Variants in OSBPL8 observed in about 807,000 individuals in gnomAD.
The protein encoded by OSBPL8 is oxysterol binding protein like 8, also known as oxysterol-binding protein-related protein 8.
Under a neutral mutation model 125.5 loss-of-function variants are expected in OSBPL8, and 59 were observed. The ratio of observed to expected loss-of-function variants is 0.47; its 90% CI spans 0.38 to 0.58. The LOEUF is 0.58. OSBPL8 is among the 20% of genes least tolerant of loss of function. The probability of loss-of-function intolerance (pLI) is 0.00; values close to 1 mark genes in which losing one functional copy is unlikely to be tolerated. For missense variants in OSBPL8, 758 were observed against 1,047.8 expected, an observed-to-expected ratio of 0.72 and a Z score of 3.82; for synonymous variants, 330 against 338.9, an observed-to-expected ratio of 0.97 and a Z score of 0.29.
intron 1 of OSBPL8, among the ~76,000 whole-genome samples, chr12:76,528,036 T>C (rs1430363561): frequency 2.0e-5 from 3 of 152,160 alleles, no homozygotes; most frequent in East Asian, 3.9e-4. Context: ...ATAAGCATTA[T>C]TGTTGGCCAG....
intron 1 of OSBPL8, among the ~76,000 whole-genome samples, chr12:76,544,846 A>G (rs1480194470): frequency 6.6e-6 from 1 of 152,302 alleles, no homozygotes; most frequent in East Asian, 1.9e-4. Context: ...AGTCTAAAAA[A>G]AAAAAACAGG....
intron 20 of OSBPL8, 140 bp downstream of exon 20, chr12:76,369,494 AATG>A: frequency 7.5e-7 from 1 of 1,339,344 alleles, no homozygotes; most frequent in Non-Finnish European, 9.9e-7. Flanking sequence ...GCTTATAATG[AATG>A]CAAAACCAAG....
intron 1 of OSBPL8, among the ~76,000 whole-genome samples, chr12:76,489,039 G>T (rs1878445769): frequency 6.6e-6 from 1 of 152,140 alleles, no homozygotes; most frequent in African/African-American, 2.4e-5. Context: ...AAGTTTGAGT[G>T]GTCTGGATAG....
chr12:76,450,347 G>A (rs913326711), intron 4 of OSBPL8, among the ~76,000 whole-genome samples: 33 of 152,234 alleles, frequency 2.2e-4, no homozygotes, highest in African/African-American at 7.9e-4. Flanking sequence ...GAAGTCCTGG[G>A]ATAAACCATT....
intron 6 of OSBPL8, among the ~76,000 whole-genome samples, chr12:76,402,126 C>A (rs1954074796): frequency 6.6e-6 from 1 of 152,074 alleles, no homozygotes; most frequent in Non-Finnish European, 1.5e-5. Flanking sequence ...TAGGACCAGG[C>A]ATGGAACACA....
chr12:76,534,516 T>C lies in OSBPL8; in HGVS notation c.-68+24881A>G, dbSNP rs61925554. ...AGAATACCAATTGCTGTCTAATTCCTTCCGACTAGCTGAAAGTACTTTGCT... is the reference window on the plus strand; with the variant it reads ...AGAATACCAATTGCTGTCTAATTCCCTCCGACTAGCTGAAAGTACTTTGCT... On this transcript the variant is annotated intron_variant, in intron 1 of 23. Coordinates refer to ENST00000261183, the MANE Select transcript of OSBPL8 (RefSeq NM_020841.5). Among the ~76,000 whole-genome samples the C allele has an allele frequency of 4.1e-3, 627 of 152,286 alleles. 2 individuals are homozygous for C. The highest frequency in any genetic ancestry group is 6.3e-3 in the Non-Finnish European group (427 of 68,014).
In OSBPL8 at chr12:76,474,833, G is replaced by A. The variant is rs75994772; in HGVS notation, c.42+12677C>T. On this transcript the variant is annotated intron_variant, in intron 2 of 23. Transcript: ENST00000261183. ...TATGTGTGTACACAGACAAACACAT[G>A]CATATAAATTCATCACCCAATCCCC... 5.9e-5 allele frequency among the ~76,000 whole-genome samples: 9 copies of A among 152,230 alleles called. No individual in the cohort carries two copies. The East Asian group carries it at 1.7e-3, about 29-fold the overall frequency.
chr12:76,448,014 T>C (rs1872920696), intron 4 of OSBPL8, among the ~76,000 whole-genome samples: 1 of 152,226 alleles, frequency 6.6e-6, no homozygotes, highest in Non-Finnish European at 1.5e-5. Context: ...AAAATTTAAA[T>C]ATAGACTAGG....
chr12:76,374,393 TC>T (rs935097414), intron 17 of OSBPL8, among the ~76,000 whole-genome samples: 27 of 152,208 alleles, frequency 1.8e-4, no homozygotes, highest in African/African-American at 6.5e-4. Context: ...ATATTTCTTC[TC>T]CTTGAATTTG....
chr12:76,386,056 T>G, intron 14 of OSBPL8, 112 bp downstream of exon 14: 1 of 1,443,072 alleles, frequency 6.9e-7, no homozygotes. Flanking sequence ...TTACCAAATG[T>G]TCAGAAATAA....
At chr12:76,520,487 CAT>C (rs1246105618) in intron 1 of OSBPL8, among the ~76,000 whole-genome samples, 1 of 152,276 alleles carries the variant, frequency 6.6e-6, no homozygotes. Context: ...ACAACACACA[CAT>C]GATTTATGAC....
intron 2 of OSBPL8, among the ~76,000 whole-genome samples, chr12:76,464,697 T>C (rs954802265): frequency 1.3e-5 from 2 of 152,188 alleles, no homozygotes; most frequent in African/African-American, 4.8e-5. Context: ...CCACGCAATC[T>C]ATAGTTTTGA....
intron 5 of OSBPL8, among the ~76,000 whole-genome samples, chr12:76,403,137 G>C (rs1244952401): frequency 1.3e-5 from 2 of 152,036 alleles, no homozygotes. Context: ...AACAAACAAA[G>C]ACACAAATTC....
chr12:76,456,880 TTGAA>T (rs1450984975), intron 3 of OSBPL8, among the ~76,000 whole-genome samples: 1 of 152,174 alleles, frequency 6.6e-6, no homozygotes, highest in Non-Finnish European at 1.5e-5. Context: ...AATCATCAGT[TTGAA>T]ATAGCAGCAA....
intron 4 of OSBPL8, among the ~76,000 whole-genome samples, chr12:76,433,001 G>GA (rs956375915): frequency 1.3e-5 from 2 of 152,060 alleles, no homozygotes; most frequent in African/African-American, 4.8e-5. Flanking sequence ...AGTAAATGTG[G>GA]AAAAAGCATC....
chr12:76,374,540 C>T (rs1160131722), intron 17 of OSBPL8, among the ~76,000 whole-genome samples: 1 of 152,108 alleles, frequency 6.6e-6, no homozygotes, highest in Non-Finnish European at 1.5e-5. Flanking sequence ...CCTCAACTGC[C>T]AAGTAAGAAG....
At chr12:76,369,404 G>A (rs527583494) in intron 20 of OSBPL8, 103 bp from the exon 21 acceptor site, 190 of 1,441,674 alleles carry the variant, frequency 1.3e-4, no homozygotes, top group Non-Finnish European at 1.7e-4. Flanking sequence ...TATATACATA[G>A]TTCTAATAAT....
chr12:76,410,207 T>C (rs752493535), intron 5 of OSBPL8, among the ~76,000 whole-genome samples: 1 of 152,222 alleles, frequency 6.6e-6, no homozygotes, highest in African/African-American at 2.4e-5. Flanking sequence ...ATATGTATTT[T>C]GATTGTCATC....
chr12:76,386,957 G>A (rs1417120887), intron 12 of OSBPL8, among the ~76,000 whole-genome samples: 3 of 152,152 alleles, frequency 2.0e-5, no homozygotes, highest in African/African-American at 7.2e-5. Flanking sequence ...TGCAGAACCT[G>A]AGATGTTGTT....
Sources: gnomAD v4.1 joint callset for allele counts (sites outside exome capture counted in the v4.1 genomes callset) on GRCh38, gnomAD v4.1.1 for gene constraint, MANE v1.5 for transcripts, NCBI Gene and HGNC (gene_info 2026-07-23, HGNC 2026-07-21) for gene names.